Variants in GRAP2 observed in about 807,000 individuals in gnomAD.
GRAP2 encodes the protein GRB2-related adapter protein 2.
Under a neutral mutation model 43.5 loss-of-function variants are expected in GRAP2, and 31 were observed. The observed-to-expected ratio is 0.71, with a 90% CI of 0.54 to 0.96. The LOEUF (loss-of-function observed/expected upper bound fraction) is 0.96. GRAP2 is among the 40% of genes least tolerant of loss of function. The probability of loss-of-function intolerance (pLI) is 0.00; values close to 1 mark genes in which losing one functional copy is unlikely to be tolerated. For missense variants in GRAP2, 371 were observed against 424.4 expected, an observed-to-expected ratio of 0.87 and a Z score of 1.11; for synonymous variants, 156 against 164.8, an observed-to-expected ratio of 0.95 and a Z score of 0.41.
intron 1 of GRAP2, among the ~76,000 whole-genome samples, chr22:39,931,690 G>T (rs565452719): frequency 2.0e-5 from 3 of 152,302 alleles, no homozygotes; most frequent in African/African-American, 7.2e-5. Flanking sequence ...GCGAATTTGA[G>T]AGTAACAATG....
chr22:39,954,415 T>TGA (rs2067023098), intron 2 of GRAP2, among the ~76,000 whole-genome samples: 1 of 152,082 alleles, frequency 6.6e-6, no homozygotes, highest in East Asian at 1.9e-4. Context: ...ATTTTTTTTT[T>TGA]GAGAGAGGCT....
chr22:39,920,943 G>GACACACACACACAC (rs137974), intron 1 of GRAP2, among the ~76,000 whole-genome samples: 11 of 142,486 alleles, frequency 7.7e-5, no homozygotes, highest in Admixed American at 4.2e-4. Context: ...TCTCTACACA[G>GACACACACACACAC]ACACACACAC....
intron 2 of GRAP2, among the ~76,000 whole-genome samples, chr22:39,949,637 C>T (rs1409022112): frequency 6.6e-6 from 1 of 152,188 alleles, no homozygotes; most frequent in Admixed American, 6.5e-5. Context: ...AGCTTACTAA[C>T]CATGGAGACT....
intron 1 of GRAP2, among the ~76,000 whole-genome samples, chr22:39,941,309 T>C (rs1453229694): frequency 2.0e-5 from 3 of 152,070 alleles, no homozygotes; most frequent in African/African-American, 7.2e-5. Context: ...CCCCACGGAG[T>C]AACTCTGGTG....
intron 6 of GRAP2, 67 bp downstream of exon 6, chr22:39,968,339 G>A: frequency 6.4e-7 from 1 of 1,563,592 alleles, no homozygotes; most frequent in Non-Finnish European, 8.7e-7. Flanking sequence ...TCCAGGCCTG[G>A]CCCAGCCTCT....
rs962732138 is a variant in GRAP2 at position 39,972,161 on chromosome 22, G to A, written c.*1077G>A. The A allele has an allele frequency of 4.6e-5, 7 of 152,510 alleles. No individual in the cohort carries two copies. The highest frequency in any genetic ancestry group is 1.7e-4 in the African/African-American group (7 of 41,466). The allele number at this position is 152,510 out of a possible 1,614,324, so 9.4% of individuals were successfully genotyped here. ...TGCCCAAGAGTTGCACCTGGAGCAAGGAACCCCACCATGGCTGTCGCTCTC... is the reference window on the plus strand; with the variant it reads ...TGCCCAAGAGTTGCACCTGGAGCAAAGAACCCCACCATGGCTGTCGCTCTC... On this transcript the variant is annotated 3_prime_UTR_variant, in exon 8 of 8. Transcript: ENST00000344138.
intron 4 of GRAP2, chr22:39,964,177 G>A: frequency 1.9e-6 from 1 of 527,308 alleles, no homozygotes; most frequent in African/African-American, 1.9e-5. Flanking sequence ...ATCCAAAAGA[G>A]AATGACTTGG....
At position 39,973,425 on chromosome 22, in the gene GRAP2, G is replaced by C. The variant is rs1053828303; in HGVS notation, c.*2341G>C. On this transcript the variant is annotated 3_prime_UTR_variant, in exon 8 of 8. Coordinates refer to ENST00000344138, the MANE Select transcript of GRAP2 (RefSeq NM_004810.4). ...AGGGGGTGACAGGGGTCATCGGCCT[G>C]CAGGAGCTGACCCCGTAGGCAGGCG... The C allele has an allele frequency of 5.3e-5, 8 of 152,248 alleles. No individual in the cohort carries two copies. Among genetic ancestry groups the C allele is most frequent in the African/African-American group, 1.9e-4 (8 of 41,446 alleles). The allele number at this position is 152,248 out of a possible 1,614,324, so 9.4% of individuals were successfully genotyped here.
chr22:39,916,445 A>G (rs1428552679), intron 1 of GRAP2, among the ~76,000 whole-genome samples: 1 of 152,238 alleles, frequency 6.6e-6, no homozygotes, highest in Non-Finnish European at 1.5e-5. Context: ...AGACTCATAA[A>G]AAGCCTCAGT....
chr22:39,894,639 G>A, the GRAP2 span, among the ~76,000 whole-genome samples: 1 of 152,222 alleles, frequency 6.6e-6, no homozygotes, highest in African/African-American at 2.4e-5. Context: ...GATGGACAAT[G>A]ATGGGGTAGC....
intron 2 of GRAP2, among the ~76,000 whole-genome samples, chr22:39,952,244 C>G (rs758821011): frequency 1.3e-5 from 2 of 152,064 alleles, no homozygotes; most frequent in Non-Finnish European, 2.9e-5. Flanking sequence ...CCAGGCTGGT[C>G]TCAAACTCCT....
chr22:39,901,443 A>G, intron 1 of GRAP2, 113 bp downstream of exon 1: 1 of 411,736 alleles, frequency 2.4e-6, no homozygotes, highest in South Asian at 1.8e-5. Flanking sequence ...TTCTCTAAAT[A>G]TTGCTTTTAA....
intron 1 of GRAP2, among the ~76,000 whole-genome samples, chr22:39,909,785 G>A (rs2066547020): frequency 6.6e-6 from 1 of 152,216 alleles, no homozygotes; most frequent in East Asian, 1.9e-4. Flanking sequence ...ACTTCTTGAA[G>A]GAGGTGCATC....
intron 1 of GRAP2, among the ~76,000 whole-genome samples, chr22:39,927,482 G>T (rs557456177): frequency 6.6e-6 from 1 of 152,196 alleles, no homozygotes; most frequent in East Asian, 1.9e-4. Flanking sequence ...TTGTCTGAAT[G>T]GAGAGCAAGG....
At chr22:39,909,919 A>G (rs2066547877) in intron 1 of GRAP2, among the ~76,000 whole-genome samples, 1 of 152,208 alleles carries the variant, frequency 6.6e-6, no homozygotes, top group Non-Finnish European at 1.5e-5. Flanking sequence ...TGCAAACAAC[A>G]AAGAGTCAGA....
rs745391560 is a variant in GRAP2 at position 39,973,261 on chromosome 22, G to A, written c.*2177G>A. 2 of 152,268 alleles carry A rather than the reference G, an allele frequency of 1.3e-5. No homozygotes were observed. The highest frequency in any genetic ancestry group is 6.5e-5 in the Admixed American group (1 of 15,286). 9.4% of individuals were successfully genotyped at this position (152,268 alleles called of 1,614,324 possible). ...ACCAGCTCTAGTTAGACGGAGGTAT[G>A]TGATTCGATTCTGGTGGAGACTTTG... On this transcript the variant is annotated 3_prime_UTR_variant, in exon 8 of 8. Transcript: ENST00000344138.
At chr22:39,962,861 G>A (rs1601739348) in intron 4 of GRAP2, among the ~76,000 whole-genome samples, 1 of 152,022 alleles carries the variant, frequency 6.6e-6, no homozygotes, top group African/African-American at 2.4e-5. Context: ...TAGAGACGGG[G>A]TTTCGTCATG....
chr22:39,968,121 C>T lies in GRAP2; in HGVS notation c.539C>T (p.Pro180Leu). 1 of 1,608,740 alleles carries T rather than the reference C, an allele frequency of 6.2e-7. No individual in the cohort carries two copies. Reference sequence around the variant, plus strand: ...GGGGCTGTGGGAGAAGAAATCCGACCTTCGATGAACCGGAAGCTGTCGGAT... The same window carrying T: ...GGGGCTGTGGGAGAAGAAATCCGACTTTCGATGAACCGGAAGCTGTCGGAT... ...LSGAVGEEIR[P>L]SMNRKLSDHP... The change falls in exon 6 of 8, where the codon CCT (proline) becomes CTT (leucine). Residue 180 changes from proline (P) to leucine (L), a missense_variant. Pro to Leu is a moderately conservative substitution (Grantham distance 98). Coordinates refer to ENST00000344138, the MANE Select transcript of GRAP2 (RefSeq NM_004810.4).
chr22:39,905,218 C>A (rs576213799), intron 1 of GRAP2, among the ~76,000 whole-genome samples: 2 of 152,098 alleles, frequency 1.3e-5, no homozygotes, highest in Non-Finnish European at 1.5e-5. Context: ...AACTCTCACC[C>A]GGTGACTTTA....
Sources: gnomAD v4.1 joint callset for allele counts (sites outside exome capture counted in the v4.1 genomes callset) on GRCh38, gnomAD v4.1.1 for gene constraint, MANE v1.5 for transcripts, NCBI Gene and HGNC (gene_info 2026-07-23, HGNC 2026-07-21) for gene names.